Variants in ADGRV1 observed in about 807,000 individuals in gnomAD.
ADGRV1 encodes the protein G-protein coupled receptor 98.
Under a neutral mutation model 596.2 loss-of-function variants are expected in ADGRV1, and 359 were observed. The ratio of observed to expected loss-of-function variants is 0.60; its 90% CI spans 0.55 to 0.66. ADGRV1 has a LOEUF of 0.66. ADGRV1 is among the 30% of genes least tolerant of loss of function. The pLI is 0.00. For synonymous variants in ADGRV1, 2,681 were observed against 2,679.2 expected (o/e 1.00, Z -0.02); for missense variants, 7,274 against 7,575.6 (o/e 0.96, Z 1.48).
intron 79 of ADGRV1, among the ~76,000 whole-genome samples, chr5:90,849,628 G>A (rs926995049): frequency 3.9e-5 from 6 of 152,080 alleles, no homozygotes; most frequent in South Asian, 2.1e-4. Context: ...GGGCTCAAGC[G>A]ATCCACCTGT....
intron 86 of ADGRV1, among the ~76,000 whole-genome samples, chr5:91,074,071 T>C (rs1298735872): frequency 1.3e-5 from 2 of 152,268 alleles, no homozygotes; most frequent in Non-Finnish European, 2.9e-5. Context: ...TAAATTCTAC[T>C]TTTTCACGGG....
At chr5:90,850,375 A>T (rs189591736) in intron 79 of ADGRV1, among the ~76,000 whole-genome samples, 1 of 152,166 alleles carries the variant, frequency 6.6e-6, no homozygotes, top group Admixed American at 6.5e-5. Context: ...GGATTCTCCA[A>T]TCCTCACCAC....
In ADGRV1 at chr5:90,960,146, A is replaced by C. The variant is rs562890679; in HGVS notation, c.17857-5269A>C. Among the ~76,000 whole-genome samples, 294 of 146,228 alleles carry C rather than the reference A, an allele frequency of 2.0e-3. 4 individuals carry two copies. Among genetic ancestry groups the C allele is most frequent in the African/African-American group, 7.2e-3 (271 of 37,632 alleles). ...AGACCGAGACTCATCTCAAAAAAAA[A>C]AAAAAAACAAAAAACAGATCAGTGT... On this transcript the variant is annotated intron_variant, in intron 83 of 89. Coordinates refer to ENST00000405460, the MANE Select transcript of ADGRV1 (RefSeq NM_032119.4).
chr5:90,763,240 T>C (rs1420084006), intron 58 of ADGRV1, 65 bp from the exon 59 acceptor site: 11 of 1,192,794 alleles, frequency 9.2e-6, no homozygotes, highest in Non-Finnish European at 1.2e-5. Context: ...AATAAGATTC[T>C]ACTTGTTTAT....
At chr5:90,826,531 G>C (rs533315419) in intron 76 of ADGRV1, among the ~76,000 whole-genome samples, 5 of 152,100 alleles carry the variant, frequency 3.3e-5, no homozygotes, top group Non-Finnish European at 5.9e-5. Flanking sequence ...TTAATAACAG[G>C]GCTGTGAGGC....
intron 67 of ADGRV1, among the ~76,000 whole-genome samples, chr5:90,787,734 G>C (rs915419039): frequency 6.6e-6 from 1 of 151,456 alleles, no homozygotes; most frequent in African/African-American, 2.4e-5. Flanking sequence ...GGAATTACAG[G>C]CGCCTGCCAC....
At chr5:90,680,661 C>A (rs761293753) in intron 26 of ADGRV1, among the ~76,000 whole-genome samples, 2 of 152,198 alleles carry the variant, frequency 1.3e-5, no homozygotes, top group Admixed American at 6.5e-5. Context: ...TAACTTCCAT[C>A]AGTGCCTAAT....
intron 85 of ADGRV1, among the ~76,000 whole-genome samples, chr5:91,056,133 G>A (rs1324901773): frequency 1.3e-5 from 2 of 152,196 alleles, no homozygotes; most frequent in Non-Finnish European, 2.9e-5. Flanking sequence ...CTTTTGAAGC[G>A]TTGGTTGTGC....
At chr5:90,697,278 A>G in intron 34 of ADGRV1, 132 bp downstream of exon 34, 2 of 790,360 alleles carry the variant, frequency 2.5e-6, no homozygotes, top group Non-Finnish European at 3.9e-6. Flanking sequence ...ATCTGCATAG[A>G]ACTTCTTTGG....
intron 76 of ADGRV1, 120 bp from the exon 77 acceptor site, chr5:90,828,824 A>C: frequency 3.7e-6 from 2 of 534,898 alleles, no homozygotes; most frequent in Non-Finnish European, 5.8e-6. Context: ...ATATCTCTAG[A>C]TTTATATATT....
chr5:90,804,829 A>G (rs2150198481), intron 71 of ADGRV1: 1 of 152,380 alleles, frequency 6.6e-6, no homozygotes, highest in South Asian at 2.1e-4. Context: ...AAAAAAAGAT[A>G]TAAAATTAAG....
intron 59 of ADGRV1, among the ~76,000 whole-genome samples, chr5:90,765,591 G>A (rs914453445): frequency 6.6e-6 from 1 of 151,992 alleles, no homozygotes; most frequent in East Asian, 1.9e-4. Flanking sequence ...CAGAGTAATT[G>A]AGATATCCAT....
chr5:90,841,136 A>G (rs144105643), intron 78 of ADGRV1, among the ~76,000 whole-genome samples, 151 bp downstream of exon 78: 16 of 152,354 alleles, frequency 1.1e-4, no homozygotes, highest in Middle Eastern at 6.8e-3. Context: ...AATGCATCAT[A>G]TCTGACACTG....
chr5:90,745,424 C>A (rs1355601492), intron 51 of ADGRV1, among the ~76,000 whole-genome samples, 159 bp downstream of exon 51: 2 of 152,168 alleles, frequency 1.3e-5, no homozygotes, highest in African/African-American at 4.8e-5. Context: ...AATATCTATT[C>A]TATCAAGTTT....
At chr5:91,058,671 T>C (rs1581926430) in intron 85 of ADGRV1, among the ~76,000 whole-genome samples, 1 of 152,168 alleles carries the variant, frequency 6.6e-6, no homozygotes, top group Admixed American at 6.5e-5. Context: ...ATTACGTGCC[T>C]CTTTTTGAAT....
At position 90,965,445 on chromosome 5, in the gene ADGRV1, C is replaced by T; in HGVS notation, c.17887C>T (p.Pro5963Ser). 6.2e-7 allele frequency: 1 copy of T among 1,613,436 alleles called. No individual in the cohort carries two copies. Among genetic ancestry groups the T allele is most frequent in the Non-Finnish European group, 8.5e-7 (1 of 1,179,422 alleles). The change falls in exon 84 of 90, where the codon CCC becomes TCC. Residue 5963 changes from proline (P) to serine (S), a missense_variant. Around this residue, in one of 5 missense-constraint regions of ADGRV1, gnomAD observed 1,874 missense variants for 1,970.2 expected, o/e 0.95. Coordinates refer to ENST00000405460, the MANE Select transcript of ADGRV1 (RefSeq NM_032119.4). ...GTTTCTGGCGTCTGCATACGCAAGT[C>T]CCCAACTCGCTGAGGAGAGCTGTTC... ...ILFLASAYASPQLAEESCSAM... is the reference protein window; with the variant it reads ...ILFLASAYASSQLAEESCSAM...
At chr5:91,054,559 G>T (rs377658044) in intron 85 of ADGRV1, among the ~76,000 whole-genome samples, 4 of 152,104 alleles carry the variant, frequency 2.6e-5, no homozygotes, top group African/African-American at 9.7e-5. Context: ...GGTTCTGGAG[G>T]CTGGGAAGTT....
chr5:90,668,263 C>T (rs1457517512), intron 21 of ADGRV1, among the ~76,000 whole-genome samples: 3 of 152,146 alleles, frequency 2.0e-5, no homozygotes, highest in Non-Finnish European at 2.9e-5. Context: ...ATCAGCGAGA[C>T]TCCATGGGTG....
chr5:90,925,201 A>T (rs895301125), intron 83 of ADGRV1, among the ~76,000 whole-genome samples: 4 of 152,024 alleles, frequency 2.6e-5, no homozygotes, highest in Non-Finnish European at 2.9e-5. Flanking sequence ...GATGGCATTG[A>T]ATCTGTAAGT....
Sources: allele counts gnomAD v4.1 joint callset (sites outside exome capture counted in the v4.1 genomes callset), GRCh38; gene constraint gnomAD v4.1.1; regional missense constraint gnomAD v4.1.1; transcripts MANE v1.5; gene names NCBI Gene and HGNC (gene_info 2026-07-23, HGNC 2026-07-21).